Variants in UBN2 observed in about 807,000 individuals in gnomAD.
UBN2 encodes the protein ubinuclein-2.
UBN2 carries 35 observed loss-of-function variants against 120.2 expected under a neutral mutation model. The ratio of observed to expected loss-of-function variants is 0.29; its 90% confidence interval spans 0.22 to 0.39. UBN2 has a LOEUF of 0.39. UBN2 is among the 10% of genes least tolerant of loss of function. The probability of loss-of-function intolerance (pLI) is 1.00; values close to 1 mark genes in which losing one functional copy is unlikely to be tolerated. For synonymous variants in UBN2, 661 were observed against 648.7 expected (o/e 1.02, Z -0.29); for missense variants, 1,693 against 1,663.2 (o/e 1.02, Z -0.31).
At chr7:139,322,583 G>A in the UBN2 span, among the ~76,000 whole-genome samples, 1 of 149,894 alleles carries the variant, frequency 6.7e-6, no homozygotes, top group South Asian at 2.1e-4. Flanking sequence ...ACGTTTCATT[G>A]GAACTTTGGA....
intron 4 of UBN2, among the ~76,000 whole-genome samples, chr7:139,259,038 A>G (rs1384288320): frequency 6.6e-6 from 1 of 152,232 alleles, no homozygotes; most frequent in African/African-American, 2.4e-5. Flanking sequence ...TACTTACACC[A>G]GAATCACCAG....
intron 15 of UBN2, among the ~76,000 whole-genome samples, chr7:139,290,093 A>T (rs1260415390): frequency 6.6e-6 from 1 of 151,886 alleles, no homozygotes; most frequent in African/African-American, 2.4e-5. Flanking sequence ...TAATTATTGT[A>T]ATTTTGTATT....
downstream of UBN2, among the ~76,000 whole-genome samples, chr7:139,311,209 T>G (rs7776583): frequency 6.6e-6 from 1 of 152,122 alleles, no homozygotes; most frequent in African/African-American, 2.4e-5. Flanking sequence ...GTACACCTTT[T>G]AAAGGACAAT....
chr7:139,259,013 T>C (rs1796847633), intron 4 of UBN2, among the ~76,000 whole-genome samples: 2 of 152,210 alleles, frequency 1.3e-5, no homozygotes. Context: ...TTTCTTGAAG[T>C]GTGGCCCAAA....
At chr7:139,234,909 TA>T (rs1331375216) in intron 1 of UBN2, among the ~76,000 whole-genome samples, 1 of 152,188 alleles carries the variant, frequency 6.6e-6, no homozygotes, top group Non-Finnish European at 1.5e-5. Context: ...AGGACAAAAT[TA>T]TTGCATCAGT....
intron 8 of UBN2, 81 bp downstream of exon 8, chr7:139,269,604 A>G (rs1797201367): frequency 1.0e-5 from 15 of 1,443,404 alleles, no homozygotes; most frequent in Non-Finnish European, 1.3e-5. Flanking sequence ...GCCTTTGCAC[A>G]TTAATTGATT....
chr7:139,316,034 G>A, the UBN2 span, among the ~76,000 whole-genome samples: 18 of 134,952 alleles, frequency 1.3e-4, no homozygotes, highest in African/African-American at 1.7e-4. Context: ...CTGAGATCGC[G>A]CTGTTGCACT....
chr7:139,287,873 A>G (rs1470907921), intron 15 of UBN2, among the ~76,000 whole-genome samples: 3 of 152,138 alleles, frequency 2.0e-5, no homozygotes, highest in Non-Finnish European at 2.9e-5. Context: ...TATGCCTGTA[A>G]AGCATTCACC....
chr7:139,253,224 C>T (rs1424737091), intron 3 of UBN2, among the ~76,000 whole-genome samples: 3 of 150,534 alleles, frequency 2.0e-5, no homozygotes, highest in African/African-American at 5.0e-5. Flanking sequence ...ATACAAATAA[C>T]GGAGCATCTG....
the UBN2 span, among the ~76,000 whole-genome samples, chr7:139,322,617 CTT>C: frequency 9.7e-6 from 1 of 102,790 alleles, no homozygotes; most frequent in Admixed American, 1.1e-4. Context: ...ACCATCTGGA[CTT>C]TTTTTTTTTT....
At position 139,262,799 on chromosome 7, in the gene UBN2, C is replaced by T. The variant is rs530098479; in HGVS notation, c.1395+1058C>T. ...AGTTGGTTCTTTTATTATTAAACAG[C>T]GGGATTCACCTGACTCCAGAGTAGG... On this transcript the variant is annotated intron_variant, in intron 6 of 17. Transcript: ENST00000473989. 5.3e-5 allele frequency among the ~76,000 whole-genome samples: 8 copies of T among 151,640 alleles called. No homozygotes were observed. In the South Asian group the frequency reaches 1.2e-3, roughly 24 times the overall value.
the UBN2 span, among the ~76,000 whole-genome samples, chr7:139,329,082 T>C: frequency 1.4e-5 from 2 of 143,142 alleles, no homozygotes; most frequent in South Asian, 4.3e-4. Flanking sequence ...CCAATCTCTA[T>C]TTTTTTTTTA....
chr7:139,234,096 C>T (rs897214182), intron 1 of UBN2, among the ~76,000 whole-genome samples: 6 of 151,912 alleles, frequency 3.9e-5, no homozygotes, highest in Admixed American at 3.3e-4. Flanking sequence ...GTAAAATTGT[C>T]ATGGTTTCAT....
At chr7:139,259,429 TAGA>T in intron 5 of UBN2, 59 bp downstream of exon 5, 2 of 1,590,514 alleles carry the variant, frequency 1.3e-6, no homozygotes, top group Admixed American at 3.7e-5. Flanking sequence ...TCTCTCCCTT[TAGA>T]AAGATATACT....
intron 7 of UBN2, among the ~76,000 whole-genome samples, chr7:139,268,780 A>G (rs936158282): frequency 5.3e-5 from 8 of 152,162 alleles, no homozygotes; most frequent in East Asian, 1.9e-4. Context: ...GTTAATTACA[A>G]ATTTATTGTG....
At position 139,266,324 on chromosome 7, in the gene UBN2, T is replaced by A; in HGVS notation, c.1396-9T>A. Reference sequence around the variant, plus strand: ...TTTTGATTTATTATCATCTTTCTTGTTTCTTTAGGCTGCCAAACTTTTTGA... The same window carrying A: ...TTTTGATTTATTATCATCTTTCTTGATTCTTTAGGCTGCCAAACTTTTTGA... On this transcript the variant is annotated splice_polypyrimidine_tract_variant and intron_variant, in intron 6 of 17. Transcript: ENST00000473989. The A allele has an allele frequency of 6.4e-7, 1 of 1,563,486 alleles. No homozygotes were observed. The highest frequency in any genetic ancestry group is 8.8e-7 in the Non-Finnish European group (1 of 1,142,060).
chr7:139,292,889 A>G (rs1416797054), intron 15 of UBN2, among the ~76,000 whole-genome samples: 2 of 152,222 alleles, frequency 1.3e-5, no homozygotes, highest in Non-Finnish European at 2.9e-5. Flanking sequence ...GCTGCAGGAA[A>G]GATGATGAGA....
chr7:139,273,164 T>C (rs879861614), intron 9 of UBN2, 133 bp from the exon 10 acceptor site: 2 of 493,292 alleles, frequency 4.1e-6, no homozygotes, highest in Non-Finnish European at 7.1e-6. Flanking sequence ...TGAAGTATTA[T>C]GTGGAAAGGT....
At chr7:139,253,674 T>G (rs1474415428) in intron 3 of UBN2, among the ~76,000 whole-genome samples, 1 of 152,256 alleles carries the variant, frequency 6.6e-6, no homozygotes, top group Admixed American at 6.5e-5. Flanking sequence ...ATTTAAGGAC[T>G]GTAGCAGCCC....
Sources: allele counts gnomAD v4.1 joint callset (sites outside exome capture counted in the v4.1 genomes callset), GRCh38; gene constraint gnomAD v4.1.1; transcripts MANE v1.5; gene names NCBI Gene and HGNC (gene_info 2026-07-23, HGNC 2026-07-21).